BRI3: variants seen among roughly 807,000 people sequenced by gnomAD.
BRI3 encodes membrane protein BRI3.
In BRI3, 6 loss-of-function variants were observed where a neutral mutation model predicts 12.8. The ratio of observed to expected loss-of-function variants is 0.47; its 90% CI spans 0.26 to 0.93. The LOEUF is 0.93. Among genes scored for constraint, BRI3 ranks in the 40% least tolerant of loss-of-function variants. The pLI is 0.15. For missense variants in BRI3, 134 were observed against 171.1 expected, an observed-to-expected ratio of 0.78 and a Z score of 1.21; for synonymous variants, 91 against 76.1, an observed-to-expected ratio of 1.20 and a Z score of -1.02.
downstream of BRI3, among the ~76,000 whole-genome samples, chr7:98,296,366 C>T (rs1409076329): frequency 6.6e-6 from 1 of 152,232 alleles, no homozygotes; most frequent in African/African-American, 2.4e-5. Context: ...TGGCTCATGC[C>T]TGTAATCCCA....
the BRI3 span, among the ~76,000 whole-genome samples, chr7:98,315,890 C>A: frequency 6.6e-6 from 1 of 152,164 alleles, no homozygotes; most frequent in African/African-American, 2.4e-5. Context: ...GAGATATGAT[C>A]GTGTCCTACT....
At chr7:98,306,840 G>A (rs1800676778) in intron 1 of BRI3, 1 of 332,630 alleles carries the variant, frequency 3.0e-6, no homozygotes, top group Admixed American at 4.4e-5. Context: ...CCGAGTAGCT[G>A]TGACTAGAAG....
downstream of BRI3, among the ~76,000 whole-genome samples, chr7:98,293,822 G>A (rs369154895): frequency 3.1e-4 from 47 of 152,354 alleles, no homozygotes; most frequent in East Asian, 4.1e-3. Flanking sequence ...CGTTCTGGAC[G>A]TGGGCACCCA....
At chr7:98,315,298 T>A (rs937708636), downstream of BRI3, among the ~76,000 whole-genome samples, 10 of 152,094 alleles carry the variant, frequency 6.6e-5, no homozygotes, top group African/African-American at 2.2e-4. Flanking sequence ...GTTTTTTTTT[T>A]ATTATTTTTT....
At chr7:98,294,027 G>A, downstream of BRI3, 15 of 1,602,272 alleles carry the variant, frequency 9.4e-6, no homozygotes, top group Non-Finnish European at 1.3e-5. Flanking sequence ...ACACTACAGG[G>A]AAGAGCAATG....
intron 1 of BRI3, among the ~76,000 whole-genome samples, chr7:98,298,506 G>A (rs1195164521): frequency 2.0e-5 from 3 of 151,926 alleles, no homozygotes; most frequent in Non-Finnish European, 4.4e-5. Context: ...CCAGCTACTC[G>A]GGAGGCTGAG....
At chr7:98,284,507 A>G (rs898376705) in intron 2 of BRI3, among the ~76,000 whole-genome samples, 1 of 152,108 alleles carries the variant, frequency 6.6e-6, no homozygotes, top group African/African-American at 2.4e-5. Flanking sequence ...CGGTTCCCTG[A>G]ACACACAACA....
chr7:98,310,551 C>G, downstream of BRI3: 1 of 1,591,114 alleles, frequency 6.3e-7, no homozygotes. Context: ...CGGGGGGCAT[C>G]TTTGGTGAGC....
chr7:98,292,872 C>T (rs539041589), downstream of BRI3: 32 of 1,444,538 alleles, frequency 2.2e-5, no homozygotes, highest in African/African-American at 3.0e-4. Flanking sequence ...AAGGAGCTCT[C>T]GGAGGAGATT....
chr7:98,299,483 A>G (rs1248811646), intron 1 of BRI3, among the ~76,000 whole-genome samples: 1 of 150,196 alleles, frequency 6.7e-6, no homozygotes, highest in African/African-American at 2.5e-5. Context: ...AGCCTCAGCC[A>G]TGGTACCTGC....
upstream of BRI3, among the ~76,000 whole-genome samples, chr7:98,303,755 AG>A (rs1452626067): frequency 6.6e-6 from 1 of 152,210 alleles, no homozygotes; most frequent in Non-Finnish European, 1.5e-5. Flanking sequence ...TAGAAGGTTT[AG>A]GGTTAAAGAT....
At chr7:98,317,877 C>A in the BRI3 span, among the ~76,000 whole-genome samples, 1 of 150,728 alleles carries the variant, frequency 6.6e-6, no homozygotes, top group African/African-American at 2.4e-5. Context: ...CCTCACTCTG[C>A]AGTTCACACC....
chr7:98,315,645 A>ATTTTT, the BRI3 span: 1 of 1,073,908 alleles, frequency 9.3e-7, no homozygotes, highest in Non-Finnish European at 1.2e-6. Flanking sequence ...AATAATAATT[A>ATTTTT]TATAAGCATG....
downstream of BRI3, chr7:98,292,924 C>A: frequency 7.3e-7 from 1 of 1,374,338 alleles, no homozygotes. Flanking sequence ...GCAGGCAAAG[C>A]GTCTTAGCAC....
chr7:98,296,570 G>C (rs1398602162), downstream of BRI3, among the ~76,000 whole-genome samples: 2 of 152,208 alleles, frequency 1.3e-5, no homozygotes, highest in East Asian at 3.8e-4. Context: ...GTTGTGGTGA[G>C]CTGAGATTGC....
At chr7:98,310,657 A>G (rs527698899), downstream of BRI3, 3 of 1,305,352 alleles carry the variant, frequency 2.3e-6, no homozygotes, top group South Asian at 4.9e-5. Flanking sequence ...ACAGATTCCC[A>G]AGGCTGTTTT....
chr7:98,314,697 G>T (rs951505037), downstream of BRI3, among the ~76,000 whole-genome samples: 2 of 152,098 alleles, frequency 1.3e-5, no homozygotes, highest in Non-Finnish European at 2.9e-5. Flanking sequence ...GTGAATGGGG[G>T]CCCGTGGGCT....
At chr7:98,312,615 A>G (rs1800913192), downstream of BRI3, among the ~76,000 whole-genome samples, 1 of 152,206 alleles carries the variant, frequency 6.6e-6, no homozygotes, top group African/African-American at 2.4e-5. Flanking sequence ...CAGAAACGCC[A>G]ACCATCACTT....
chr7:98,290,426 A>C (rs1799884063), intron 2 of BRI3, among the ~76,000 whole-genome samples: 1 of 150,198 alleles, frequency 6.7e-6, no homozygotes, highest in Non-Finnish European at 1.5e-5. Flanking sequence ...CGATCTCCTG[A>C]CCTCATGATC....
Sources: gnomAD v4.1 joint callset for allele counts (sites outside exome capture counted in the v4.1 genomes callset) on GRCh38, gnomAD v4.1.1 for gene constraint, MANE v1.5 for transcripts, NCBI Gene and HGNC (gene_info 2026-07-23, HGNC 2026-07-21) for gene names.